FASLG: variants seen among roughly 807,000 people sequenced by gnomAD.
FASLG encodes the protein Fas ligand.
A neutral mutation model predicts 24.6 loss-of-function variants in FASLG; 9 were observed. The ratio of observed to expected loss-of-function variants is 0.37; its 90% CI spans 0.22 to 0.64. The LOEUF is 0.64. FASLG is among the 30% of genes least tolerant of loss of function. The pLI is 0.64. For missense variants in FASLG, 306 were observed against 345.3 expected (o/e 0.89, Z 0.90); for synonymous variants, 130 against 135.5 (o/e 0.96, Z 0.28).
chr1:172,663,672 T>C (rs1416582015), intron 2 of FASLG, among the ~76,000 whole-genome samples: 1 of 152,152 alleles, frequency 6.6e-6, no homozygotes, highest in South Asian at 2.1e-4. Context: ...TGGGGATACT[T>C]GTATACGACG....
chr1:172,664,494 G>A (rs1659209972), intron 3 of FASLG, 104 bp downstream of exon 3: 2 of 1,117,988 alleles, frequency 1.8e-6, no homozygotes, highest in Admixed American at 3.6e-5. Context: ...GTTACTTCCT[G>A]GAGACAGTAT....
chr1:172,660,070 A>G, intron 1 of FASLG, 25 bp from the exon 2 acceptor site: 1 of 1,610,932 alleles, frequency 6.2e-7, no homozygotes, highest in Non-Finnish European at 8.5e-7. Flanking sequence ...TTTATTATAC[A>G]TCTTTTCTCT....
intron 3 of FASLG, 76 bp from the exon 4 acceptor site, chr1:172,665,546 C>A (rs1659239536): frequency 1.9e-6 from 3 of 1,550,480 alleles, no homozygotes; most frequent in Admixed American, 1.7e-5. Flanking sequence ...GAAGGGCCCA[C>A]AGTTTTGCCT....
intron 3 of FASLG, among the ~76,000 whole-genome samples, chr1:172,664,820 C>T (rs1219375251): frequency 6.6e-6 from 1 of 152,146 alleles, no homozygotes; most frequent in Non-Finnish European, 1.5e-5. Flanking sequence ...GAGACTCAAT[C>T]CTGGCACTTG....
intron 2 of FASLG, 60 bp downstream of exon 2, chr1:172,660,200 G>A: frequency 1.3e-6 from 2 of 1,521,904 alleles, no homozygotes; most frequent in South Asian, 2.2e-5. Context: ...ACAGAACTAT[G>A]TTAATGGAAT....
chr1:172,660,302 C>T (rs1161756346), intron 2 of FASLG, among the ~76,000 whole-genome samples, 162 bp downstream of exon 2: 1 of 152,222 alleles, frequency 6.6e-6, no homozygotes, highest in Non-Finnish European at 1.5e-5. Context: ...CCTTGAGCTG[C>T]TTTAAAAATG....
intron 1 of FASLG, among the ~76,000 whole-genome samples, chr1:172,659,813 A>T (rs866966859): frequency 2.6e-5 from 4 of 152,124 alleles, no homozygotes; most frequent in African/African-American, 7.2e-5. Flanking sequence ...ACTGCCTCAT[A>T]CCTATTGATT....
Position 172,659,446 on chromosome 1 carries a change from G to T in FASLG, c.245G>T (p.Cys82Phe), listed in dbSNP as rs2101806621. The change falls in exon 1 of 4, where the codon TGT (cysteine) becomes TTT (phenylalanine). Residue 82 changes from cysteine to phenylalanine, a missense_variant. Transcript: ENST00000367721. ...KKRGNHSTGLCLLVMFFMVLV... is the reference protein window; with the variant it reads ...KKRGNHSTGLFLLVMFFMVLV... ...AGAGGGAACCACAGCACAGGCCTGT[G>T]TCTCCTTGTGATGTTTTTCATGGTT... The T allele has an allele frequency of 3.1e-6, 5 of 1,613,934 alleles. No individual in the cohort carries two copies. Among genetic ancestry groups the T allele is most frequent in the Non-Finnish European group, 4.2e-6 (5 of 1,179,928 alleles).
At chr1:172,660,888 A>C (rs1384752129) in intron 2 of FASLG, among the ~76,000 whole-genome samples, 3 of 152,252 alleles carry the variant, frequency 2.0e-5, no homozygotes, top group African/African-American at 7.2e-5. Context: ...GTGCTTCACT[A>C]GTCTAAGATT....
rs372590553 is a variant in FASLG at position 172,659,711 on chromosome 1, TA to T, written c.348+163del. ...CTATAGACAGAGAAATGGAGGCTCATAGGGGTGAAGGGAATATTTTTTACTT... is the reference window on the plus strand; with the variant it reads ...CTATAGACAGAGAAATGGAGGCTCATGGGGTGAAGGGAATATTTTTTACTT... On this transcript the variant is annotated intron_variant, in intron 1 of 3. Coordinates refer to ENST00000367721, the MANE Select transcript of FASLG (RefSeq NM_000639.3). 1.5e-3 allele frequency among the ~76,000 whole-genome samples: 234 copies of T among 151,956 alleles called. 1 individual carries two copies. The highest frequency in any genetic ancestry group is 5.5e-3 in the African/African-American group (228 of 41,412).
rs116111283 is a variant in FASLG at position 172,665,511 on chromosome 1, A to G, written c.452-111A>G. ...CTCAGCCAGTTCTATACCAGCTGTC[A>G]TTCTGGGTGAAACATTTGTTGAAGG... is the stretch of plus-strand genomic sequence containing the variant. On this transcript the variant is annotated intron_variant, in intron 3 of 3. Transcript: ENST00000367721. 981 of 1,265,254 alleles carry G rather than the reference A, an allele frequency of 7.8e-4. 8 individuals carry two copies. In the African/African-American group the frequency reaches 0.012, roughly 15 times the overall value. 78.4% of individuals were successfully genotyped at this position (1,265,254 alleles called of 1,614,324 possible). A position where few individuals can be genotyped will look rare whatever the true frequency, so the allele number is the denominator to read the frequency against.
At chr1:172,661,556 A>C (rs1169388065) in intron 2 of FASLG, among the ~76,000 whole-genome samples, 1 of 151,964 alleles carries the variant, frequency 6.6e-6, no homozygotes, top group Admixed American at 6.6e-5. Flanking sequence ...TCTTTCACCC[A>C]CTCTCTGGAG....
chr1:172,666,312 G>A lies in FASLG; in HGVS notation c.*296G>A, dbSNP rs535219624. On this transcript the variant is annotated 3_prime_UTR_variant, in exon 4 of 4. Transcript: ENST00000367721. ...TCTACACTCATCTTAGTGCCTGAGA[G>A]TATTTAGGCAGATTGAAAAGGACAC... The A allele has an allele frequency of 7.8e-6, 3 of 384,456 alleles. No homozygotes were observed. The highest frequency in any genetic ancestry group is 9.3e-5 in the East Asian group (2 of 21,438). The allele number at this position is 384,456 out of a possible 1,614,324, so 23.8% of individuals were successfully genotyped here.
intron 2 of FASLG, 102 bp from the exon 3 acceptor site, chr1:172,664,232 G>C: frequency 2.4e-6 from 3 of 1,225,900 alleles, no homozygotes; most frequent in Non-Finnish European, 3.5e-6. Flanking sequence ...TGCCATTTAC[G>C]GTTTTAAAAT....
chr1:172,659,373 C>T lies in FASLG; in HGVS notation c.172C>T (p.Pro58Ser). The stretch of plus-strand genomic sequence containing the variant: ...GCCACCGCCACCACTACCACCTCCG[C>T]CGCCGCCGCCACCACTGCCTCCACT... ...PPPPPPLPPP[P>S]PPPPLPPLPL... The change falls in exon 1 of 4, where the codon CCG (proline) becomes TCG (serine). Residue 58 changes from proline (P) to serine (S), a missense_variant. Pro to Ser is a moderately conservative substitution (Grantham distance 74). Coordinates refer to ENST00000367721, the MANE Select transcript of FASLG (RefSeq NM_000639.3). 1.2e-6 allele frequency: 2 copies of T among 1,610,444 alleles called. No homozygotes were observed. Among genetic ancestry groups the T allele is most frequent in the Admixed American group, 3.4e-5 (2 of 59,374 alleles).
intron 2 of FASLG, among the ~76,000 whole-genome samples, chr1:172,662,634 G>C (rs1354623614): frequency 6.6e-6 from 1 of 152,156 alleles, no homozygotes; most frequent in Non-Finnish European, 1.5e-5. Context: ...CTGTGGAGTG[G>C]GGTGGGGCTG....
At position 172,666,282 on chromosome 1, in the gene FASLG, G is replaced by C; in HGVS notation, c.*266G>C. 1.4e-5 allele frequency: 7 copies of C among 487,952 alleles called. No homozygotes were observed. Among genetic ancestry groups the C allele is most frequent in the South Asian group, 9.5e-5 (4 of 42,168 alleles). 30.2% of individuals were successfully genotyped at this position (487,952 alleles called of 1,614,324 possible). A position where few individuals can be genotyped will look rare whatever the true frequency, so the allele number is the denominator to read the frequency against. On this transcript the variant is annotated 3_prime_UTR_variant, in exon 4 of 4. Coordinates refer to ENST00000367721, the MANE Select transcript of FASLG (RefSeq NM_000639.3). The stretch of plus-strand genomic sequence containing the variant: ...GAGAAGCATGAAAAAGCAGCTACCA[G>C]GTGTTCTACACTCATCTTAGTGCCT...
intron 2 of FASLG, among the ~76,000 whole-genome samples, chr1:172,661,480 G>T (rs1199363821): frequency 6.6e-6 from 1 of 152,174 alleles, no homozygotes; most frequent in African/African-American, 2.4e-5. Flanking sequence ...TCTGGAGGAC[G>T]TCTGAAATAA....
rs372615226 is a variant in FASLG, at chr1:172,660,106, G to T, written c.360G>T (p.Gln120His). 11 of 1,614,136 alleles carry T rather than the reference G, an allele frequency of 6.8e-6. 1 individual carries two copies. The South Asian group carries it at 1.2e-4, about 18-fold the overall frequency. ...TTCTGTTTTACTAGTCTACCAGCCA[G>T]ATGCACACAGCATCATCTTTGGAGA... ...ELAELRESTS[Q>H]MHTASSLEKQ... Residue 120 changes from glutamine (Q) to histidine (H), a missense_variant, in exon 2 of 4, where the codon CAG becomes CAT. Physicochemically the swap from Gln to His is conservative, Grantham distance 24. Transcript: ENST00000367721.
Sources: allele counts gnomAD v4.1 joint callset (sites outside exome capture counted in the v4.1 genomes callset), GRCh38; gene constraint gnomAD v4.1.1; transcripts MANE v1.5; gene names NCBI Gene and HGNC (gene_info 2026-07-23, HGNC 2026-07-21).